Variants in DLGAP4 observed in about 807,000 individuals in gnomAD.
The protein encoded by DLGAP4 is disks large-associated protein 4.
In DLGAP4, 18 loss-of-function variants were observed where a neutral mutation model predicts 86.9. That is an observed-to-expected ratio of 0.21 (90% CI 0.14 to 0.31). DLGAP4 has a LOEUF of 0.31. Among genes scored for constraint, DLGAP4 ranks in the 10% least tolerant of loss-of-function variants. DLGAP4 has a pLI of 1.00. For missense variants in DLGAP4, 1,085 were observed against 1,362.6 expected (o/e 0.80, Z 3.21); for synonymous variants, 548 against 574.3 (o/e 0.95, Z 0.65).
rs377109459 is a variant in DLGAP4, at chr20:36,308,051, G to T, written c.-304+1539G>T. Among the ~76,000 whole-genome samples the T allele has an allele frequency of 9.2e-5, 14 of 152,348 alleles. No individual in the cohort carries two copies. The South Asian group carries it at 1.7e-3, about 18-fold the overall frequency. The stretch of plus-strand genomic sequence containing the variant: ...GGAGCCACCACCAGGCCCTAGAGCC[G>T]GCTGTCGGGGCCAGTCAGCAGCAGA... On this transcript the variant is annotated intron_variant, in intron 1 of 12. Coordinates refer to ENST00000339266, the MANE Select transcript of DLGAP4 (RefSeq NM_001365621.2). The surrounding 1 kb of genome is among the most constrained non-coding windows in gnomAD (Gnocchi z 4.5).
chr20:36,359,913 T>C (rs1456158457), intron 1 of DLGAP4, among the ~76,000 whole-genome samples: 1 of 151,960 alleles, frequency 6.6e-6, no homozygotes, highest in African/African-American at 2.4e-5. Context: ...CTTGGAGCAG[T>C]TGGTAGGTGA....
chr20:36,481,456 G>T (rs1318478177), intron 7 of DLGAP4, among the ~76,000 whole-genome samples: 1 of 152,114 alleles, frequency 6.6e-6, no homozygotes, highest in Non-Finnish European at 1.5e-5. Flanking sequence ...CACAACTTTT[G>T]GTGCATATGT....
At chr20:36,315,359 G>A (rs1346634316) in intron 1 of DLGAP4, among the ~76,000 whole-genome samples, 1 of 151,974 alleles carries the variant, frequency 6.6e-6, no homozygotes, top group African/African-American at 2.4e-5. Context: ...TGCGGTGCGG[G>A]GACAGCACGG....
At chr20:36,512,277 C>G (rs534561634) in intron 10 of DLGAP4, among the ~76,000 whole-genome samples, 85 of 151,986 alleles carry the variant, frequency 5.6e-4, no homozygotes, top group African/African-American at 1.9e-3. Flanking sequence ...GTCTTGATCT[C>G]CTGACCTCGT....
intron 2 of DLGAP4, among the ~76,000 whole-genome samples, chr20:36,380,056 A>C (rs1478656393): frequency 1.3e-5 from 2 of 151,736 alleles, no homozygotes; most frequent in African/African-American, 4.8e-5. Flanking sequence ...GGTGGCAGGC[A>C]CCTCTAGTTT....
intron 2 of DLGAP4, among the ~76,000 whole-genome samples, chr20:36,401,705 C>T (rs1237185771): frequency 1.3e-5 from 2 of 152,172 alleles, no homozygotes; most frequent in Non-Finnish European, 2.9e-5. Flanking sequence ...AAGAGGGCAG[C>T]AACAATAAGC....
chr20:36,371,378 C>A lies in DLGAP4; in HGVS notation c.-73+4103C>A, dbSNP rs547121189. Among the ~76,000 whole-genome samples the A allele has an allele frequency of 2.0e-5, 3 of 152,338 alleles. No individual in the cohort carries two copies. In the East Asian group the frequency reaches 5.8e-4, roughly 29 times the overall value. On this transcript the variant is annotated intron_variant, in intron 2 of 12. Transcript: ENST00000339266. ...TGGGGAGGGACAGATATTATACAGT[C>A]ACCCAAAGACATACACAGAATGAGG...
chr20:36,388,545 C>T (rs1442202772), intron 2 of DLGAP4, among the ~76,000 whole-genome samples: 1 of 152,102 alleles, frequency 6.6e-6, no homozygotes, highest in African/African-American at 2.4e-5. Context: ...CTCTGATGTG[C>T]GTCAAAGACT....
intron 1 of DLGAP4, among the ~76,000 whole-genome samples, chr20:36,349,468 C>T (rs572038628): frequency 1.4e-5 from 2 of 147,878 alleles, no homozygotes; most frequent in Non-Finnish European, 3.0e-5. Flanking sequence ...GTGTAGGGAA[C>T]GTAGCCTGAA....
At position 36,383,890 on chromosome 20, in the gene DLGAP4, G is replaced by GA. The variant is rs557503568; in HGVS notation, c.-73+16615_-73+16616insA. The stretch of plus-strand genomic sequence containing the variant: ...CTCGGGAGGCTGAGGCAGGAGAATG[G>GA]CGTGAACCCGGGAGGCGGAGCTTGC... On this transcript the variant is annotated intron_variant, in intron 2 of 12. Transcript: ENST00000339266. Among the ~76,000 whole-genome samples, 79 of 151,970 alleles carry GA rather than the reference G, an allele frequency of 5.2e-4. No homozygotes were observed. The Middle Eastern group carries it at 0.01, about 20-fold the overall frequency.
At chr20:36,496,360 G>A (rs555090699) in intron 7 of DLGAP4, among the ~76,000 whole-genome samples, 49 of 152,304 alleles carry the variant, frequency 3.2e-4, no homozygotes, top group South Asian at 2.1e-4. Context: ...CCCACGGCAC[G>A]GGTCAGGGTC....
chr20:36,374,126 A>T (rs150591616), intron 2 of DLGAP4, among the ~76,000 whole-genome samples: 3 of 152,100 alleles, frequency 2.0e-5, no homozygotes, highest in Non-Finnish European at 4.4e-5. Context: ...ACTTTCCTGG[A>T]GTCAGAACAT....
At chr20:36,417,494 G>A (rs535290431) in intron 2 of DLGAP4, among the ~76,000 whole-genome samples, 38 of 152,124 alleles carry the variant, frequency 2.5e-4, no homozygotes, top group Non-Finnish European at 4.4e-4. Flanking sequence ...CAATCTTCCC[G>A]TCACAGCCTC....
chr20:36,372,864 A>G (rs984361675), intron 2 of DLGAP4, among the ~76,000 whole-genome samples: 2 of 152,204 alleles, frequency 1.3e-5, no homozygotes, highest in African/African-American at 2.4e-5. Context: ...AAACTTGTCC[A>G]TGGCGCATTG....
chr20:36,417,087 C>A (rs1188415027), intron 2 of DLGAP4, among the ~76,000 whole-genome samples: 2 of 152,120 alleles, frequency 1.3e-5, no homozygotes, highest in Non-Finnish European at 2.9e-5. Flanking sequence ...TAATCAGAGA[C>A]CCTGGTCAGG....
At chr20:36,412,980 T>A (rs903112348) in intron 2 of DLGAP4, among the ~76,000 whole-genome samples, 1 of 4,994 alleles carries the variant, frequency 2.0e-4, no homozygotes, top group Non-Finnish European at 2.5e-4. Context: ...AACTCTTTTC[T>A]TTTTTTTTTT....
intron 2 of DLGAP4, among the ~76,000 whole-genome samples, chr20:36,429,398 CTTTTTTTTTTTTTT>C (rs151254062): frequency 3.6e-4 from 27 of 76,050 alleles, no homozygotes; most frequent in Middle Eastern, 0.034. Flanking sequence ...TTCTTTTTTT[CTTTTTTTTTTTTTT>C]TTTTTTTTTT....
chr20:36,461,643 G>A (rs1439174606), intron 7 of DLGAP4: 18 of 888,016 alleles, frequency 2.0e-5, no homozygotes, highest in Non-Finnish European at 2.4e-5. Context: ...GCGGCCCCGC[G>A]AGGAGACGGG....
At position 36,350,218 on chromosome 20, in the gene DLGAP4, G is replaced by GC. The variant is rs1555893365; in HGVS notation, c.-303-16821dup. ...TCCCCCGAGCTCAGCTTGCCCTTAGGCCCCCCAGCCCTTCGGCATCAGTTT... is the reference window on the plus strand; with the variant it reads ...TCCCCCGAGCTCAGCTTGCCCTTAGGCCCCCCCAGCCCTTCGGCATCAGTTT... On this transcript the variant is annotated intron_variant, in intron 1 of 12. Transcript: ENST00000339266. The surrounding 1 kb of genome is among the most constrained non-coding windows in gnomAD (Gnocchi z 4.4). Among the ~76,000 whole-genome samples the GC allele has an allele frequency of 6.6e-6, 1 of 152,192 alleles. No individual in the cohort carries two copies. The highest frequency in any genetic ancestry group is 1.9e-4 in the East Asian group (1 of 5,204).
Sources: allele counts gnomAD v4.1 joint callset (sites outside exome capture counted in the v4.1 genomes callset), GRCh38; gene constraint gnomAD v4.1.1; non-coding constraint Gnocchi (gnomAD v3.1); transcripts MANE v1.5; gene names NCBI Gene and HGNC (gene_info 2026-07-23, HGNC 2026-07-21).